RANBP2: variants seen among roughly 807,000 people sequenced by gnomAD.
The protein encoded by RANBP2 is E3 SUMO-protein ligase RanBP2.
RANBP2 carries 57 observed loss-of-function variants against 303.6 expected under a neutral mutation model. That is an observed-to-expected ratio of 0.19 (90% confidence interval 0.15 to 0.23). The LOEUF (loss-of-function observed/expected upper bound fraction) is 0.23. Among genes scored for constraint, RANBP2 ranks in the 10% least tolerant of loss-of-function variants. RANBP2 has a pLI of 1.00. For missense variants in RANBP2, 3,138 were observed against 3,780.8 expected, an observed-to-expected ratio of 0.83 and a Z score of 4.46; for synonymous variants, 1,167 against 1,301.5, an observed-to-expected ratio of 0.90 and a Z score of 2.23.
At chr2:108,983,360 A>AT in the RANBP2 span, among the ~76,000 whole-genome samples, 16 of 152,136 alleles carry the variant, frequency 1.1e-4, no homozygotes, top group Admixed American at 5.2e-4. Flanking sequence ...AAGGATTAGG[A>AT]TTTTTTGGGG....
the RANBP2 span, among the ~76,000 whole-genome samples, chr2:109,474,279 T>A: frequency 6.6e-6 from 1 of 152,044 alleles, no homozygotes; most frequent in African/African-American, 2.4e-5. Context: ...GAGAAAGAGC[T>A]GAAGTTTTGA....
the RANBP2 span, among the ~76,000 whole-genome samples, chr2:108,967,114 T>C: frequency 3.0e-4 from 45 of 152,316 alleles, no homozygotes; most frequent in African/African-American, 1.1e-3. Flanking sequence ...TTTGTATTTT[T>C]AGTAGAGACG....
At chr2:109,127,000 G>A in the RANBP2 span, among the ~76,000 whole-genome samples, 1 of 152,186 alleles carries the variant, frequency 6.6e-6, no homozygotes, top group East Asian at 1.9e-4. Context: ...AGAGTGAAAG[G>A]TGGCTCATGT....
At chr2:109,406,947 C>T in the RANBP2 span, among the ~76,000 whole-genome samples, 1 of 152,210 alleles carries the variant, frequency 6.6e-6, no homozygotes, top group Non-Finnish European at 1.5e-5. Context: ...CCCTGCAACT[C>T]AGCAAGTTTG....
the RANBP2 span, chr2:109,733,160 G>T: frequency 2.2e-6 from 1 of 460,498 alleles, no homozygotes; most frequent in Non-Finnish European, 4.4e-6. Flanking sequence ...TCTAGGTTTC[G>T]TAGCCCATCT....
At chr2:109,552,893 A>G in the RANBP2 span, 1 of 619,604 alleles carries the variant, frequency 1.6e-6, no homozygotes, top group Non-Finnish European at 2.7e-6. Context: ...TTTAAAAAAA[A>G]AGAAGGCCAA....
chr2:108,877,294 C>T, the RANBP2 span, among the ~76,000 whole-genome samples: 1 of 93,876 alleles, frequency 1.1e-5, no homozygotes, highest in Admixed American at 1.4e-4. Context: ...ATGGTGAAAC[C>T]CCGTCTCTAC....
At chr2:109,356,931 G>T in the RANBP2 span, among the ~76,000 whole-genome samples, 3 of 152,112 alleles carry the variant, frequency 2.0e-5, no homozygotes, top group Admixed American at 6.5e-5. Flanking sequence ...GCCATGACTC[G>T]GTTCTGGACT....
chr2:109,361,092 TTTC>T, the RANBP2 span, among the ~76,000 whole-genome samples: 1 of 152,226 alleles, frequency 6.6e-6, no homozygotes, highest in Non-Finnish European at 1.5e-5. Context: ...GCATGTGATT[TTTC>T]TTCTTTAGCC....
the RANBP2 span, among the ~76,000 whole-genome samples, chr2:109,009,114 C>T: frequency 6.6e-6 from 1 of 151,570 alleles, no homozygotes. Context: ...CCGAGGTGGG[C>T]GGATCACGAG....
At chr2:109,077,121 A>G in the RANBP2 span, among the ~76,000 whole-genome samples, 1 of 150,708 alleles carries the variant, frequency 6.6e-6, no homozygotes, top group Admixed American at 6.6e-5. Context: ...CAAGGACCCC[A>G]AGAATACACA....
chr2:108,919,046 A>C, the RANBP2 span, among the ~76,000 whole-genome samples: 1 of 152,128 alleles, frequency 6.6e-6, no homozygotes, highest in Non-Finnish European at 1.5e-5. Context: ...GCTGTGTCAG[A>C]ATCCATTGCT....
the RANBP2 span, among the ~76,000 whole-genome samples, chr2:108,809,886 A>G: frequency 6.6e-6 from 1 of 152,022 alleles, no homozygotes. Context: ...GCTCACTGCA[A>G]CCTCCACCTC....
chr2:108,719,775 G>C, intron 1 of RANBP2, 97 bp downstream of exon 1: 1 of 1,531,912 alleles, frequency 6.5e-7, no homozygotes, highest in Non-Finnish European at 8.8e-7. Context: ...CTGCTCCCTG[G>C]CGCGCTCTGT....
At chr2:109,133,902 T>C in the RANBP2 span, among the ~76,000 whole-genome samples, 1 of 152,264 alleles carries the variant, frequency 6.6e-6, no homozygotes, top group Admixed American at 6.5e-5. Context: ...TGCCAGGCTG[T>C]AGTCTCTGGT....
chr2:109,658,361 G>T, the RANBP2 span, among the ~76,000 whole-genome samples: 2 of 151,784 alleles, frequency 1.3e-5, no homozygotes, highest in African/African-American at 4.8e-5. Flanking sequence ...GCAGAGAATT[G>T]CTTGAACTCG....
the RANBP2 span, among the ~76,000 whole-genome samples, chr2:109,673,897 G>T: frequency 7.2e-5 from 11 of 152,076 alleles, no homozygotes; most frequent in African/African-American, 2.7e-4. Context: ...CTTCATTTTG[G>T]CTATTCTGAG....
chr2:108,974,502 G>A, the RANBP2 span, among the ~76,000 whole-genome samples: 7 of 151,036 alleles, frequency 4.6e-5, no homozygotes, highest in Non-Finnish European at 8.9e-5. Context: ...GAGGCCAAGG[G>A]GGGTGGATCA....
At chr2:108,743,551 T>C (rs1241605810) in intron 7 of RANBP2, among the ~76,000 whole-genome samples, 3 of 152,212 alleles carry the variant, frequency 2.0e-5, no homozygotes, top group Admixed American at 1.3e-4. Flanking sequence ...AGTGCTGGGA[T>C]TACAGGTATG....
Sources: gnomAD v4.1 joint callset for allele counts (sites outside exome capture counted in the v4.1 genomes callset) on GRCh38, gnomAD v4.1.1 for gene constraint, MANE v1.5 for transcripts, NCBI Gene and HGNC (gene_info 2026-07-23, HGNC 2026-07-21) for gene names.